CDHR2: variants seen among roughly 807,000 people sequenced by gnomAD.
CDHR2 encodes the protein cadherin-related family member 2.
Under a neutral mutation model 138.6 loss-of-function variants are expected in CDHR2, and 104 were observed. The ratio of observed to expected loss-of-function variants is 0.75; its 90% CI spans 0.64 to 0.88. CDHR2 has a LOEUF of 0.88. CDHR2 is among the 40% of genes least tolerant of loss of function. The pLI is 0.00. For missense variants in CDHR2, 1,624 were observed against 1,727.6 expected (o/e 0.94, Z 1.06); for synonymous variants, 755 against 742.8 (o/e 1.02, Z -0.27).
chr5:176,559,530 C>A (rs1757918934), intron 1 of CDHR2, among the ~76,000 whole-genome samples: 1 of 152,142 alleles, frequency 6.6e-6, no homozygotes, highest in Non-Finnish European at 1.5e-5. Context: ...TATACAAAAT[C>A]TATTGTTTGT....
chr5:176,579,261 C>T (rs1194367963), intron 16 of CDHR2, among the ~76,000 whole-genome samples: 3 of 152,346 alleles, frequency 2.0e-5, no homozygotes, highest in Admixed American at 6.5e-5. Flanking sequence ...AGAGCCCTCC[C>T]GTCTTTCCAG....
chr5:176,559,160 G>A (rs1320604474), intron 1 of CDHR2, among the ~76,000 whole-genome samples: 1 of 152,224 alleles, frequency 6.6e-6, no homozygotes, highest in African/African-American at 2.4e-5. Context: ...CCAGGTGTAA[G>A]CTGCAGAGCT....
At position 176,553,878 on chromosome 5, in the gene CDHR2, AC is replaced by A. The variant is rs1212686417; in HGVS notation, c.-16+4467del. Among the ~76,000 whole-genome samples, 1 of 152,104 alleles carries A rather than the reference AC, an allele frequency of 6.6e-6. No individual in the cohort carries two copies. The highest frequency in any genetic ancestry group is 2.4e-5 in the African/African-American group (1 of 41,400). On this transcript the variant is annotated intron_variant, in intron 1 of 31. Coordinates refer to ENST00000261944, the MANE Select transcript of CDHR2 (RefSeq NM_017675.6). The surrounding 1 kb of genome is among the most constrained non-coding windows in gnomAD (Gnocchi z 4.3). ...CGAGGGATCCCTATCCTGATATTGGACCCTGCCTCCATGACCACCTCACTCA... is the reference window on the plus strand; with the variant it reads ...CGAGGGATCCCTATCCTGATATTGGACCTGCCTCCATGACCACCTCACTCA...
At position 176,575,961 on chromosome 5, in the gene CDHR2, A is replaced by C. The variant is rs1275409180; in HGVS notation, c.970A>C (p.Thr324Pro). Residue 324 changes from threonine to proline, a missense_variant, in exon 12 of 32, where the codon ACA (threonine) becomes CCA (proline). Thr to Pro is a conservative substitution (Grantham distance 38, BLOSUM62 -1). This residue lies in a region of CDHR2 where 1,061 missense variants were observed against 1,136.6 expected (regional missense o/e 0.93). Coordinates refer to ENST00000261944, the MANE Select transcript of CDHR2 (RefSeq NM_017675.6). ...CTGCTCTGTGCCTCAGGCCACCGAG[A>C]CACACCTCAACATCTACGGGCAGGA... ...EVQLQVTATE[T>P]HLNIYGQEAK... is the part of the protein sequence containing the mutation. The C allele has an allele frequency of 6.2e-7, 1 of 1,611,656 alleles. No homozygotes were observed. Among genetic ancestry groups the C allele is most frequent in the East Asian group, 2.2e-5 (1 of 44,768 alleles).
At chr5:176,567,419 C>T (rs1581136379) in intron 3 of CDHR2, among the ~76,000 whole-genome samples, 1 of 152,178 alleles carries the variant, frequency 6.6e-6, no homozygotes, top group African/African-American at 2.4e-5. Flanking sequence ...GTTCTCCCAT[C>T]TCGGCTTCCC....
In CDHR2 at chr5:176,575,023, AG is replaced by A. The variant is rs1183251160; in HGVS notation, c.496-60del. ...CTGGGACCTTCCCTGCGTTGCTCAGAGTGGGGTCCTCGGTGCAGGGCTGTCC... is the reference window on the plus strand; with the variant it reads ...CTGGGACCTTCCCTGCGTTGCTCAGATGGGGTCCTCGGTGCAGGGCTGTCC... On this transcript the variant is annotated intron_variant, in intron 7 of 31. Transcript: ENST00000261944. 30 of 1,600,164 alleles carry A rather than the reference AG, an allele frequency of 1.9e-5. No homozygotes were observed. The African/African-American group carries it at 3.7e-4, about 20-fold the overall frequency.
At chr5:176,591,619 TG>T in intron 30 of CDHR2, 135 bp downstream of exon 30, 1 of 280,238 alleles carries the variant, frequency 3.6e-6, no homozygotes, top group South Asian at 2.7e-5. Context: ...GTGGTAGTTA[TG>T]GTGGTGGTGG....
chr5:176,595,858 G>A (rs1759020968), downstream of CDHR2: 5 of 548,312 alleles, frequency 9.1e-6, no homozygotes, highest in South Asian at 3.7e-5. Flanking sequence ...CAAAAACTGC[G>A]GCTGGAGGGG....
chr5:176,587,801 C>T (rs1189679392), intron 21 of CDHR2, among the ~76,000 whole-genome samples: 4 of 152,216 alleles, frequency 2.6e-5, no homozygotes, highest in African/African-American at 7.2e-5. Flanking sequence ...GGAGCCTCAG[C>T]TTCCTCTTGT....
intron 16 of CDHR2, among the ~76,000 whole-genome samples, chr5:176,580,119 C>G (rs151124627): frequency 4.4e-4 from 67 of 151,820 alleles, no homozygotes; most frequent in African/African-American, 1.5e-3. Flanking sequence ...CACACACACA[C>G]ACTCACGCAC....
At chr5:176,548,240 C>T (rs912057262), upstream of CDHR2, among the ~76,000 whole-genome samples, 1 of 152,242 alleles carries the variant, frequency 6.6e-6, no homozygotes, top group African/African-American at 2.4e-5. Flanking sequence ...ATATATGGTG[C>T]ATGACTATAT....
At chr5:176,547,697 G>A (rs1249654844), upstream of CDHR2, 1 of 152,244 alleles carries the variant, frequency 6.6e-6, no homozygotes, top group Non-Finnish European at 1.5e-5. Flanking sequence ...CAAGTAGCTG[G>A]GACTACAGGT....
chr5:176,574,964 C>T, intron 7 of CDHR2, 120 bp from the exon 8 acceptor site: 2 of 1,221,716 alleles, frequency 1.6e-6, no homozygotes, highest in East Asian at 2.4e-5. Flanking sequence ...GTCATATGAC[C>T]TGGTGCCAGT....
At chr5:176,548,849 C>T (rs938246768), upstream of CDHR2, among the ~76,000 whole-genome samples, 19 of 152,290 alleles carry the variant, frequency 1.2e-4, no homozygotes, top group African/African-American at 4.6e-4. Context: ...AGATCAGTGT[C>T]AACAGGCTCG....
chr5:176,576,261 A>G lies in CDHR2; in HGVS notation c.1194+76A>G. 1 of 1,205,236 alleles carries G rather than the reference A, an allele frequency of 8.3e-7. No homozygotes were observed. Among genetic ancestry groups the G allele is most frequent in the South Asian group, 1.4e-5 (1 of 73,714 alleles). 74.7% of individuals were successfully genotyped at this position (1,205,236 alleles called of 1,614,324 possible). On this transcript the variant is annotated intron_variant, in intron 12 of 31. Transcript: ENST00000261944. The surrounding 1 kb of genome is among the most constrained non-coding windows in gnomAD (Gnocchi z 4.5). ...GGAGCCTGGATCGAGTGACGGTGTC[A>G]TGTGGTGCTGGGTGGCGGTGCTGGT...
At chr5:176,560,007 C>A (rs995119230) in intron 1 of CDHR2, among the ~76,000 whole-genome samples, 1 of 152,194 alleles carries the variant, frequency 6.6e-6, no homozygotes, top group African/African-American at 2.4e-5. Context: ...GAAGGCAAGG[C>A]GCTTGCTGTC....
At position 176,576,415 on chromosome 5, in the gene CDHR2, G is replaced by A. The variant is rs1031465668; in HGVS notation, c.1194+230G>A. ...AAGGCCATGCTGAGTGGAGGCTGAC[G>A]TAGAACGTCAGATGATGCTGAGTAG... On this transcript the variant is annotated intron_variant, in intron 12 of 31. Coordinates refer to ENST00000261944, the MANE Select transcript of CDHR2 (RefSeq NM_017675.6). This position sits in a 1 kb window ranked among gnomAD's most constrained non-coding sequence, Gnocchi z 4.5. Among the ~76,000 whole-genome samples, 26 of 152,192 alleles carry A rather than the reference G, an allele frequency of 1.7e-4. No individual in the cohort carries two copies. The highest frequency in any genetic ancestry group is 5.3e-4 in the African/African-American group (22 of 41,514).
intron 1 of CDHR2, among the ~76,000 whole-genome samples, chr5:176,552,608 G>C (rs10054967): frequency 0.13 from 19,126 of 152,084 alleles, 2,506 homozygotes; most frequent in African/African-American, 0.34. Flanking sequence ...TTGCGCCTTC[G>C]CCAGCCCACA....
rs781392617 is a variant in CDHR2, at chr5:176,565,410, TGTC to T, written c.52+7_52+9del. ...TCCTGCCCTCGTGGTGTCTGGTAGG[TGTC>T]TCCCCTCCCCAGCCACGCAGCCCTA... On this transcript the variant is annotated splice_region_variant and intron_variant, in intron 2 of 31. Coordinates refer to ENST00000261944, the MANE Select transcript of CDHR2 (RefSeq NM_017675.6). 17 of 1,613,504 alleles carry T rather than the reference TGTC, an allele frequency of 1.1e-5. No homozygotes were observed. Among genetic ancestry groups the T allele is most frequent in the Non-Finnish European group, 1.4e-5 (16 of 1,179,524 alleles).
Sources: allele counts gnomAD v4.1 joint callset (sites outside exome capture counted in the v4.1 genomes callset), GRCh38; gene constraint gnomAD v4.1.1; regional missense constraint gnomAD v4.1.1; non-coding constraint Gnocchi (gnomAD v3.1); transcripts MANE v1.5; gene names NCBI Gene and HGNC (gene_info 2026-07-23, HGNC 2026-07-21).